Variants in GNAO1 observed in about 807,000 individuals in gnomAD.
GNAO1 encodes G protein subunit alpha o1.
For synonymous variants in GNAO1, 164 were observed against 180.7 expected (o/e 0.91, Z 0.74); for missense variants, 166 against 478.7 (o/e 0.35, Z 6.10).
intron 2 of GNAO1, among the ~76,000 whole-genome samples, chr16:56,200,115 A>C (rs1466271165): frequency 6.6e-6 from 1 of 152,180 alleles, no homozygotes; most frequent in Non-Finnish European, 1.5e-5. Flanking sequence ...CCATGCTTTA[A>C]AATTGATCCT....
chr16:56,309,961 CATT>C (rs1416918796), intron 3 of GNAO1, among the ~76,000 whole-genome samples: 1 of 152,254 alleles, frequency 6.6e-6, no homozygotes, highest in East Asian at 1.9e-4. Flanking sequence ...CTTTCCCAGA[CATT>C]GTTGGTACTA....
At chr16:56,263,564 T>G (rs1434409636) in intron 2 of GNAO1, among the ~76,000 whole-genome samples, 1 of 152,138 alleles carries the variant, frequency 6.6e-6, no homozygotes, top group Non-Finnish European at 1.5e-5. Flanking sequence ...GGAGGTGACA[T>G]CCGAGCAGAG....
intron 2 of GNAO1, among the ~76,000 whole-genome samples, chr16:56,247,410 C>T (rs907645193): frequency 4.0e-5 from 6 of 151,886 alleles, no homozygotes; most frequent in Non-Finnish European, 8.8e-5. Flanking sequence ...CTCTGAGCCC[C>T]TTTAAAACAT....
At chr16:56,246,929 G>A (rs944391256) in intron 2 of GNAO1, among the ~76,000 whole-genome samples, 10 of 152,218 alleles carry the variant, frequency 6.6e-5, no homozygotes, top group Admixed American at 4.6e-4. Context: ...CCTTGTACAT[G>A]CAAAAGATTA....
At chr16:56,344,329 A>C in intron 6 of GNAO1, 1 of 1,088,788 alleles carries the variant, frequency 9.2e-7, no homozygotes, top group Non-Finnish European at 1.1e-6. Flanking sequence ...GCAGGGGCGC[A>C]GATGGCCCTG....
chr16:56,239,281 T>A lies in GNAO1; in HGVS notation c.162-36650T>A, dbSNP rs143005279. On this transcript the variant is annotated intron_variant, in intron 2 of 8. Coordinates refer to ENST00000262493, the MANE Select transcript of GNAO1 (RefSeq NM_020988.3). ...AAAATGCCCACAAGCTTTGGCAGCA[T>A]GAAAACCATGCAAAGTTGCATTGAT... is the stretch of plus-strand genomic sequence containing the variant. 5.3e-5 allele frequency among the ~76,000 whole-genome samples: 8 copies of A among 152,348 alleles called. No individual in the cohort carries two copies. The East Asian group carries it at 1.5e-3, about 29-fold the overall frequency.
At chr16:56,298,150 C>G (rs534112138) in intron 3 of GNAO1, among the ~76,000 whole-genome samples, 34 of 152,274 alleles carry the variant, frequency 2.2e-4, no homozygotes, top group African/African-American at 8.2e-4. Flanking sequence ...CCAGCCTGGG[C>G]AACAGGGCGA....
intron 2 of GNAO1, among the ~76,000 whole-genome samples, chr16:56,206,546 C>T (rs1293594545): frequency 1.3e-5 from 2 of 151,968 alleles, no homozygotes; most frequent in African/African-American, 2.4e-5. Flanking sequence ...ATGGAGCTTG[C>T]AAAGGGGCAC....
chr16:56,251,235 G>A (rs898732708), intron 2 of GNAO1, among the ~76,000 whole-genome samples: 3 of 152,186 alleles, frequency 2.0e-5, no homozygotes, highest in South Asian at 2.1e-4. Flanking sequence ...GGACCATCTC[G>A]ATCGAAATTG....
intron 2 of GNAO1, among the ~76,000 whole-genome samples, chr16:56,242,259 A>G (rs1280727658): frequency 6.6e-6 from 1 of 152,238 alleles, no homozygotes. Flanking sequence ...CAAATCATTT[A>G]TAGATTGAAC....
intron 3 of GNAO1, among the ~76,000 whole-genome samples, chr16:56,327,825 G>C (rs1246616562): frequency 6.6e-6 from 1 of 152,192 alleles, no homozygotes; most frequent in Non-Finnish European, 1.5e-5. Flanking sequence ...CAGAGGAGGA[G>C]AGTGCTCCAA....
chr16:56,202,175 A>G (rs1485067289), intron 2 of GNAO1, among the ~76,000 whole-genome samples: 2 of 152,316 alleles, frequency 1.3e-5, no homozygotes, highest in East Asian at 3.9e-4. Context: ...GGAAGAAAAG[A>G]CTTTCAAGGG....
intron 3 of GNAO1, among the ~76,000 whole-genome samples, chr16:56,308,788 G>C (rs2037424261): frequency 6.6e-6 from 1 of 152,132 alleles, no homozygotes; most frequent in African/African-American, 2.4e-5. Flanking sequence ...GTGATGGAGA[G>C]GGCACTGCGA....
chr16:56,278,844 T>C lies in GNAO1; in HGVS notation c.303+2772T>C, dbSNP rs577955141. ...CCTGGCGCAGAGGAATATAAAGCTC[T>C]GTTCAGCTGGAGCTACCTGCAGCCA... On this transcript the variant is annotated intron_variant, in intron 3 of 8. Coordinates refer to ENST00000262493, the MANE Select transcript of GNAO1 (RefSeq NM_020988.3). Among the ~76,000 whole-genome samples, 3 of 152,236 alleles carry C rather than the reference T, an allele frequency of 2.0e-5. No individual in the cohort carries two copies. The South Asian group carries it at 6.2e-4, about 32-fold the overall frequency.
intron 2 of GNAO1, among the ~76,000 whole-genome samples, chr16:56,223,878 A>G (rs2036512109): frequency 6.6e-6 from 1 of 152,246 alleles, no homozygotes; most frequent in East Asian, 1.9e-4. Context: ...CATCCCCCAC[A>G]GGGCTGGCCC....
At chr16:56,234,770 A>AG (rs2036621739) in intron 2 of GNAO1, among the ~76,000 whole-genome samples, 1 of 152,098 alleles carries the variant, frequency 6.6e-6, no homozygotes, top group South Asian at 2.1e-4. Context: ...TTGGGCATGC[A>AG]GGGGGCCCTT....
At chr16:56,345,842 C>T (rs1445634270) in intron 6 of GNAO1, 5 of 985,580 alleles carry the variant, frequency 5.1e-6, no homozygotes, top group Non-Finnish European at 6.0e-6. Flanking sequence ...TAACCCCAGG[C>T]TCAGAAGCAG....
intron 3 of GNAO1, among the ~76,000 whole-genome samples, chr16:56,283,175 T>C (rs2037130553): frequency 6.6e-6 from 1 of 152,238 alleles, no homozygotes; most frequent in Non-Finnish European, 1.5e-5. Flanking sequence ...CTCAAGTTGC[T>C]CATTTACTTC....
intron 3 of GNAO1, among the ~76,000 whole-genome samples, chr16:56,283,856 G>A (rs1450491284): frequency 2.6e-5 from 4 of 152,104 alleles, no homozygotes; most frequent in African/African-American, 9.7e-5. Flanking sequence ...GGTGAATAGA[G>A]CTTGAAACTG....
Sources: allele counts gnomAD v4.1 joint callset (sites outside exome capture counted in the v4.1 genomes callset), GRCh38; gene constraint gnomAD v4.1.1; transcripts MANE v1.5; gene names NCBI Gene and HGNC (gene_info 2026-07-23, HGNC 2026-07-21).